The following SENP5 variants were observed in gnomAD, a reference collection of about 807,000 sequenced individuals.
SENP5 encodes SUMO specific peptidase 5.
A neutral mutation model predicts 74.2 loss-of-function variants in SENP5; 21 were observed. The ratio of observed to expected loss-of-function variants is 0.28; its 90% CI spans 0.20 to 0.41. The LOEUF is 0.41. Ranked by LOEUF, SENP5 falls within the 10% of genes least tolerant of loss-of-function variation. The pLI is 1.00. For synonymous variants in SENP5, 311 were observed against 312.7 expected (o/e 0.99, Z 0.06); for missense variants, 717 against 889.1 (o/e 0.81, Z 2.46).
At chr3:196,900,646 C>T (rs6798247) in intron 5 of SENP5, among the ~76,000 whole-genome samples, 1,575 of 152,148 alleles carry the variant, frequency 0.01, 27 homozygotes, top group African/African-American at 0.031. Context: ...AGTGCAGTGG[C>T]GTGATCTCGG....
chr3:196,880,288 C>T (rs1047108875), intron 1 of SENP5, among the ~76,000 whole-genome samples: 2 of 152,264 alleles, frequency 1.3e-5, no homozygotes, highest in African/African-American at 4.8e-5. Flanking sequence ...GCTATGTTGC[C>T]CAGGCTGATC....
chr3:196,904,224 A>G (rs1259831343), intron 6 of SENP5, among the ~76,000 whole-genome samples: 1 of 152,216 alleles, frequency 6.6e-6, no homozygotes, highest in Non-Finnish European at 1.5e-5. Flanking sequence ...TAACTGGGAT[A>G]GGGTAGCAGG....
chr3:196,915,764 T>C (rs1383340812), intron 6 of SENP5, among the ~76,000 whole-genome samples: 1 of 152,122 alleles, frequency 6.6e-6, no homozygotes, highest in African/African-American at 2.4e-5. Context: ...CCTAATAATC[T>C]AGGAAATTCC....
Position 196,926,291 on chromosome 3 carries a change from G to A in SENP5, c.2023-1505G>A, listed in dbSNP as rs146022937. 6.4e-3 allele frequency among the ~76,000 whole-genome samples: 981 copies of A among 152,210 alleles called. 11 individuals are homozygous for A. The highest frequency in any genetic ancestry group is 0.022 in the African/African-American group (933 of 41,520). On this transcript the variant is annotated intron_variant, in intron 7 of 9. Coordinates refer to ENST00000323460, the MANE Select transcript of SENP5 (RefSeq NM_152699.5). ...AAGGTCAAGAGATAGAGACCAGCCT[G>A]GCCAACATGGTGAAACCCCGTCTCT...
chr3:196,912,427 TGGG>T (rs2108850017), intron 6 of SENP5, among the ~76,000 whole-genome samples: 1 of 151,822 alleles, frequency 6.6e-6, no homozygotes, highest in South Asian at 2.1e-4. Flanking sequence ...GTCAGGGGGT[TGGG>T]GGCAAAGAGA....
rs577176149 is a variant in SENP5 at position 196,928,147 on chromosome 3, C to A, written c.2106+268C>A. Among the ~76,000 whole-genome samples the A allele has an allele frequency of 2.6e-5, 4 of 152,256 alleles. No homozygotes were observed. The East Asian group carries it at 7.7e-4, about 29-fold the overall frequency. ...TTGCTCTTCTGGGGAAAAAAAAAAT[C>A]TTTTTTGGGTGGCACTTGCCTCTTG... On this transcript the variant is annotated intron_variant, in intron 8 of 9. Transcript: ENST00000323460.
At chr3:196,902,846 TAAC>T (rs777136066) in intron 5 of SENP5, among the ~76,000 whole-genome samples, 11 of 152,214 alleles carry the variant, frequency 7.2e-5, no homozygotes, top group Non-Finnish European at 1.5e-4. Context: ...ATGGTTACTG[TAAC>T]AACAGGAGTC....
chr3:196,886,724 A>T, intron 2 of SENP5, 30 bp downstream of exon 2: 1 of 1,480,634 alleles, frequency 6.8e-7, no homozygotes, highest in South Asian at 1.4e-5. Context: ...TCTCCCTCAA[A>T]CTCCAAGCTC....
chr3:196,888,778 G>A (rs895562730), intron 2 of SENP5, among the ~76,000 whole-genome samples: 1 of 152,034 alleles, frequency 6.6e-6, no homozygotes, highest in Non-Finnish European at 1.5e-5. Context: ...TTTCTTGGTA[G>A]TTGAAACAGT....
chr3:196,903,459 A>G (rs1366195539), intron 5 of SENP5, 74 bp from the exon 6 acceptor site: 5 of 921,364 alleles, frequency 5.4e-6, no homozygotes, highest in Non-Finnish European at 8.3e-6. Context: ...AACATTTTAA[A>G]ATTTCCTCTT....
chr3:196,889,057 A>G (rs1349538651), intron 2 of SENP5, among the ~76,000 whole-genome samples: 1 of 152,074 alleles, frequency 6.6e-6, no homozygotes, highest in Non-Finnish European at 1.5e-5. Flanking sequence ...CGGAGCTTGC[A>G]TTGAGCTGAG....
intron 8 of SENP5, 65 bp downstream of exon 8, chr3:196,927,944 C>A: frequency 9.9e-7 from 1 of 1,009,720 alleles, no homozygotes; most frequent in Non-Finnish European, 1.5e-6. Context: ...AGGGTGGGTG[C>A]CTTTAAGAGC....
chr3:196,930,683 A>C, intron 9 of SENP5, 130 bp from the exon 10 acceptor site: 1 of 649,550 alleles, frequency 1.5e-6, no homozygotes, highest in Non-Finnish European at 2.8e-6. Flanking sequence ...ACACGTAACC[A>C]GTCCCTGGTG....
At chr3:196,912,595 A>G (rs1324310479) in intron 6 of SENP5, 2 of 152,168 alleles carry the variant, frequency 1.3e-5, no homozygotes, top group Non-Finnish European at 2.9e-5. Flanking sequence ...ACGGATTGAT[A>G]AGTGCAGCAA....
chr3:196,914,580 A>ATATATAT (rs1346805512), intron 6 of SENP5: 58 of 70,088 alleles, frequency 8.3e-4, no homozygotes, highest in African/African-American at 1.1e-3. Flanking sequence ...AAAAAAAAAA[A>ATATATAT]AAAAAAATAT....
In SENP5 at chr3:196,930,907, G is replaced by A; in HGVS notation, c.2252G>A (p.Cys751Tyr). 1 of 1,611,832 alleles carries A rather than the reference G, an allele frequency of 6.2e-7. No individual in the cohort carries two copies. Among genetic ancestry groups the A allele is most frequent in the Non-Finnish European group, 8.5e-7 (1 of 1,177,900 alleles). Residue 751 changes from cysteine (C) to tyrosine (Y), a missense_variant, in exon 10 of 10, where the codon TGC becomes TAC. Transcript: ENST00000323460. ...RKRIYKELCE[C>Y]RLMD ...AGGATTTACAAGGAGCTATGTGAGT[G>A]CCGGCTCATGGACTGAAACTCAGCA...
chr3:196,934,518 C>G lies in SENP5; in HGVS notation c.*3595C>G, dbSNP rs1716170621. Reference sequence around the variant, plus strand: ...CCTCCTGGCCTCTAGATAATTAAGACGGCCCAGGGAATACCAGCAGAGAAG... The same window carrying G: ...CCTCCTGGCCTCTAGATAATTAAGAGGGCCCAGGGAATACCAGCAGAGAAG... On this transcript the variant is annotated 3_prime_UTR_variant, in exon 10 of 10. Transcript: ENST00000323460. 6.6e-6 allele frequency: 1 copy of G among 152,124 alleles called. No homozygotes were observed. Among genetic ancestry groups the G allele is most frequent in the South Asian group, 2.1e-4 (1 of 4,830 alleles). 9.4% of individuals were successfully genotyped at this position (152,124 alleles called of 1,614,324 possible). A position where few individuals can be genotyped will look rare whatever the true frequency, so the allele number is the denominator to read the frequency against.
At chr3:196,893,378 T>G (rs915595440) in intron 2 of SENP5, among the ~76,000 whole-genome samples, 2 of 152,134 alleles carry the variant, frequency 1.3e-5, no homozygotes, top group African/African-American at 4.8e-5. Flanking sequence ...ATAGCAAAAG[T>G]TAGATGAAAA....
intron 6 of SENP5, among the ~76,000 whole-genome samples, chr3:196,908,384 T>C (rs1452484230): frequency 6.6e-6 from 1 of 152,162 alleles, no homozygotes; most frequent in Non-Finnish European, 1.5e-5. Flanking sequence ...AGAAGTTCTT[T>C]GAAACCAATG....
Sources: gnomAD v4.1 joint callset for allele counts (sites outside exome capture counted in the v4.1 genomes callset) on GRCh38, gnomAD v4.1.1 for gene constraint, MANE v1.5 for transcripts, NCBI Gene and HGNC (gene_info 2026-07-23, HGNC 2026-07-21) for gene names.